The following PRPSAP1 variants were observed in gnomAD, a reference collection of about 807,000 sequenced individuals.
PRPSAP1 encodes the protein phosphoribosyl pyrophosphate synthase-associated protein 1.
Under a neutral mutation model 39.4 loss-of-function variants are expected in PRPSAP1, and 31 were observed. That is an observed-to-expected ratio of 0.79 (90% CI 0.59 to 1.06). The LOEUF is 1.06. PRPSAP1 is among the 50% of genes least tolerant of loss of function. PRPSAP1 has a pLI of 0.00. For missense variants in PRPSAP1, 430 were observed against 511.6 expected, an observed-to-expected ratio of 0.84 and a Z score of 1.54; for synonymous variants, 212 against 192.6, an observed-to-expected ratio of 1.10 and a Z score of -0.83.
At chr17:76,344,794 A>G in intron 2 of PRPSAP1, 57 bp from the exon 3 acceptor site, 1 of 1,382,800 alleles carries the variant, frequency 7.2e-7, no homozygotes, top group South Asian at 1.2e-5. Flanking sequence ...AAAAAGGAGA[A>G]AAAAGAAAAA....
At position 76,311,694 on chromosome 17, in the gene PRPSAP1, C is replaced by A. The variant is rs1183345244; in HGVS notation, c.1006G>T (p.Val336Leu). The change falls in exon 10 of 10, where the codon GTG becomes TTG. Residue 336 changes from valine to leucine, a missense_variant. By Grantham distance (32) the Val-to-Leu change is conservative. Around this residue, in one of 2 missense-constraint regions of PRPSAP1, gnomAD observed 278 missense variants for 376.3 expected, o/e 0.74. Coordinates refer to ENST00000446526, the MANE Select transcript of PRPSAP1 (RefSeq NM_002766.3). ...ACCTCATGAGGGACAGTATTCGTCA[C>A]CACCACCTAGTCACACAGTGATGGA... ...IEESSVDEVV[V>L]TNTVPHEVQK... 1 of 1,613,284 alleles carries A rather than the reference C, an allele frequency of 6.2e-7. No individual in the cohort carries two copies. Among genetic ancestry groups the A allele is most frequent in the Non-Finnish European group, 8.5e-7 (1 of 1,179,666 alleles).
upstream of PRPSAP1, chr17:76,354,029 G>A (rs894222633): frequency 9.7e-6 from 11 of 1,133,366 alleles, no homozygotes; most frequent in Non-Finnish European, 1.2e-5. Flanking sequence ...GTTCTTCCGA[G>A]GGGCATGTCA....
intron 7 of PRPSAP1, among the ~76,000 whole-genome samples, chr17:76,323,277 G>A (rs535159154): frequency 1.3e-5 from 2 of 148,892 alleles, no homozygotes; most frequent in East Asian, 3.9e-4. Flanking sequence ...GGAAAGCAGA[G>A]GTTGCACTGA....
At chr17:76,352,905 G>A (rs912838140) in intron 1 of PRPSAP1, among the ~76,000 whole-genome samples, 1 of 152,106 alleles carries the variant, frequency 6.6e-6, no homozygotes, top group Non-Finnish European at 1.5e-5. Flanking sequence ...CCCCAAAGGC[G>A]ACTTAAGACC....
At chr17:76,351,876 T>G (rs2071577514) in intron 1 of PRPSAP1, among the ~76,000 whole-genome samples, 1 of 152,124 alleles carries the variant, frequency 6.6e-6, no homozygotes, top group Non-Finnish European at 1.5e-5. Flanking sequence ...CCCTCTGCTC[T>G]CCCTCAAGGT....
intron 7 of PRPSAP1, among the ~76,000 whole-genome samples, chr17:76,321,124 C>T (rs1040567698): frequency 1.3e-5 from 2 of 152,112 alleles, no homozygotes; most frequent in Non-Finnish European, 2.9e-5. Context: ...TTTCATGTTT[C>T]TGTGTCACAT....
chr17:76,324,605 A>G (rs550157179), intron 7 of PRPSAP1, among the ~76,000 whole-genome samples: 8 of 76,956 alleles, frequency 1.0e-4, no homozygotes, highest in Non-Finnish European at 1.9e-4. Flanking sequence ...TCCATCTCAA[A>G]AAAAAAAAAG....
intron 3 of PRPSAP1, among the ~76,000 whole-genome samples, chr17:76,337,653 GA>G (rs1208062614): frequency 6.6e-6 from 1 of 152,104 alleles, no homozygotes; most frequent in Non-Finnish European, 1.5e-5. Flanking sequence ...GCTGGAAGGC[GA>G]GAGTGCAGTA....
intron 3 of PRPSAP1, among the ~76,000 whole-genome samples, chr17:76,342,244 C>T (rs1173468971): frequency 6.6e-6 from 1 of 152,040 alleles, no homozygotes; most frequent in Non-Finnish European, 1.5e-5. Flanking sequence ...ACTGAATAAA[C>T]CGATGCATCC....
intron 3 of PRPSAP1, among the ~76,000 whole-genome samples, chr17:76,342,426 A>G (rs1295925344): frequency 1.3e-5 from 2 of 152,286 alleles, no homozygotes; most frequent in African/African-American, 4.8e-5. Context: ...AAGTTTTCAA[A>G]GTCAAGGCCG....
intron 7 of PRPSAP1, among the ~76,000 whole-genome samples, chr17:76,320,262 A>T: frequency 1.1e-5 from 1 of 92,006 alleles, no homozygotes; most frequent in East Asian, 2.5e-4. Context: ...ACAAGAAAGA[A>T]AGAAAAGAAA....
intron 7 of PRPSAP1, among the ~76,000 whole-genome samples, chr17:76,315,386 C>G (rs2071111579): frequency 6.6e-6 from 1 of 152,064 alleles, no homozygotes; most frequent in Admixed American, 6.6e-5. Context: ...TAGTGACTAC[C>G]AACAAACAAT....
Position 76,310,222 on chromosome 17 carries a change from C to G in PRPSAP1, c.*1320G>C, listed in dbSNP as rs1276400521. 2.7e-5 allele frequency: 4 copies of G among 148,564 alleles called. No homozygotes were observed. Among genetic ancestry groups the G allele is most frequent in the African/African-American group, 1.0e-4 (4 of 38,738 alleles). The allele number at this position is 148,564 out of a possible 1,614,324, so 9.2% of individuals were successfully genotyped here. On this transcript the variant is annotated 3_prime_UTR_variant, in exon 10 of 10. Transcript: ENST00000446526. ...ATATTGGCCAGGCTGGTCTCAAACT[C>G]CTGACCTCAAGTGATCTGCCCACCT...
intron 1 of PRPSAP1, among the ~76,000 whole-genome samples, chr17:76,352,400 C>T (rs1167160049): frequency 6.6e-6 from 1 of 152,072 alleles, no homozygotes; most frequent in Non-Finnish European, 1.5e-5. Context: ...AATCCCAGCA[C>T]TTTGGGAGGC....
intron 1 of PRPSAP1, among the ~76,000 whole-genome samples, chr17:76,348,942 G>T (rs2071539300): frequency 1.3e-5 from 2 of 152,168 alleles, no homozygotes; most frequent in Admixed American, 6.6e-5. Context: ...CATAGAGAAG[G>T]AAAGAGGCTT....
chr17:76,314,008 C>T, intron 7 of PRPSAP1, 117 bp from the exon 8 acceptor site: 1 of 1,047,786 alleles, frequency 9.5e-7, no homozygotes, highest in South Asian at 1.4e-5. Flanking sequence ...AAAAAACAAA[C>T]AAACCATGCA....
intron 2 of PRPSAP1, among the ~76,000 whole-genome samples, chr17:76,348,250 G>GCAGA (rs2071531611): frequency 6.6e-6 from 1 of 151,746 alleles, no homozygotes; most frequent in African/African-American, 2.4e-5. Context: ...AGGCAATAGG[G>GCAGA]TCCCCTGAGG....
chr17:76,316,667 C>T (rs951512912), intron 7 of PRPSAP1, among the ~76,000 whole-genome samples: 2 of 152,212 alleles, frequency 1.3e-5, no homozygotes, highest in Non-Finnish European at 2.9e-5. Flanking sequence ...CAAACAAAAT[C>T]TAATCCATGA....
rs1016665375 is a variant in PRPSAP1 at position 76,353,888 on chromosome 17, C to G, written c.-185G>C. 66 of 1,328,916 alleles carry G rather than the reference C, an allele frequency of 5.0e-5. No homozygotes were observed. Among genetic ancestry groups the G allele is most frequent in the Non-Finnish European group, 5.8e-5 (61 of 1,044,864 alleles). The allele number at this position is 1,328,916 out of a possible 1,614,324, so 82.3% of individuals were successfully genotyped here. On this transcript the variant is annotated 5_prime_UTR_variant, in exon 1 of 10. Coordinates refer to ENST00000446526, the MANE Select transcript of PRPSAP1 (RefSeq NM_002766.3). The stretch of plus-strand genomic sequence containing the variant: ...CTACAGCGGCCGAGCCTTCGCAGCG[C>G]CCGGCGCCGCCGCCTCAGAGCCAGA...
Sources: gnomAD v4.1 joint callset for allele counts (sites outside exome capture counted in the v4.1 genomes callset) on GRCh38, gnomAD v4.1.1 for gene constraint, gnomAD v4.1.1 regional missense constraint, MANE v1.5 for transcripts, NCBI Gene and HGNC (gene_info 2026-07-23, HGNC 2026-07-21) for gene names.